Variants in PLA2G4A observed in about 807,000 individuals in gnomAD.
PLA2G4A encodes the protein cytosolic phospholipase A2.
In PLA2G4A, 40 loss-of-function variants were observed where a neutral mutation model predicts 81.9. That is an observed-to-expected ratio of 0.49 (90% CI 0.38 to 0.64). PLA2G4A has a LOEUF of 0.64. PLA2G4A is among the 30% of genes least tolerant of loss of function. PLA2G4A has a pLI of 0.00. For synonymous variants in PLA2G4A, 302 were observed against 296.9 expected (o/e 1.02, Z -0.18); for missense variants, 715 against 905.1 (o/e 0.79, Z 2.69).
chr1:186,855,487 A>G (rs879699185), intron 2 of PLA2G4A, among the ~76,000 whole-genome samples: 5 of 151,962 alleles, frequency 3.3e-5, no homozygotes, highest in African/African-American at 1.2e-4. Flanking sequence ...TATGTATTCC[A>G]CCCACGAAAC....
intron 8 of PLA2G4A, 52 bp downstream of exon 8, chr1:186,932,951 A>G: frequency 7.7e-7 from 1 of 1,302,306 alleles, no homozygotes; most frequent in East Asian, 2.4e-5. Flanking sequence ...TTTAGGATTT[A>G]TCTAACTCAA....
Position 186,887,500 on chromosome 1 carries a change from G to A in PLA2G4A, c.116-5511G>A, listed in dbSNP as rs184657436. Among the ~76,000 whole-genome samples the A allele has an allele frequency of 4.6e-5, 7 of 152,146 alleles. No individual in the cohort carries two copies. In the East Asian group the frequency reaches 1.4e-3, roughly 29 times the overall value. On this transcript the variant is annotated intron_variant, in intron 3 of 17. Transcript: ENST00000367466. ...ATGTCAACTTTATGGGAAGAAAAAA[G>A]ATCTGTATTCCACACCCCCGACATT... is the stretch of plus-strand genomic sequence containing the variant.
chr1:186,854,528 AAG>A, intron 2 of PLA2G4A, 141 bp downstream of exon 2: 1 of 665,410 alleles, frequency 1.5e-6, no homozygotes, highest in South Asian at 1.8e-5. Flanking sequence ...ATATAATACA[AAG>A]AGGCTATGGA....
At chr1:186,856,675 T>A (rs78020995) in intron 2 of PLA2G4A, among the ~76,000 whole-genome samples, 1 of 151,944 alleles carries the variant, frequency 6.6e-6, no homozygotes, top group Non-Finnish European at 1.5e-5. Flanking sequence ...AACCATAAGA[T>A]AATGTAAGCC....
At chr1:186,931,520 TTATTATTA>T (rs1293719660) in intron 7 of PLA2G4A, among the ~76,000 whole-genome samples, 2 of 9,672 alleles carry the variant, frequency 2.1e-4, no homozygotes. Context: ...ATGTTTGCTA[TTATTATTA>T]TTATTATTAT....
At chr1:186,893,597 T>C (rs1558409037) in intron 4 of PLA2G4A, among the ~76,000 whole-genome samples, 1 of 151,684 alleles carries the variant, frequency 6.6e-6, no homozygotes, top group Admixed American at 6.6e-5. Flanking sequence ...ATCAGGAAAA[T>C]GTGAAAAATT....
At chr1:186,959,151 A>G (rs1160494416) in intron 14 of PLA2G4A, among the ~76,000 whole-genome samples, 1 of 151,878 alleles carries the variant, frequency 6.6e-6, no homozygotes, top group Non-Finnish European at 1.5e-5. Flanking sequence ...AGTACTTATA[A>G]TGTGCTTGGT....
chr1:186,965,120 G>C (rs183222672), intron 14 of PLA2G4A, among the ~76,000 whole-genome samples: 2 of 152,346 alleles, frequency 1.3e-5, no homozygotes, highest in African/African-American at 4.8e-5. Context: ...ATAGCTTAGA[G>C]TTAATACCAG....
intron 14 of PLA2G4A, among the ~76,000 whole-genome samples, chr1:186,958,535 G>A (rs1218632785): frequency 1.3e-5 from 2 of 152,118 alleles, no homozygotes; most frequent in African/African-American, 2.4e-5. Context: ...AGAAAGCGAA[G>A]ATCAAAGGAG....
chr1:186,883,344 CCCTTGTAG>C (rs1558398145), intron 3 of PLA2G4A, among the ~76,000 whole-genome samples: 1 of 151,972 alleles, frequency 6.6e-6, no homozygotes, highest in Non-Finnish European at 1.5e-5. Flanking sequence ...TACTTCTTCC[CCCTTGTAG>C]CCTTGAGGAT....
chr1:186,846,938 C>CAA (rs1171337630), intron 1 of PLA2G4A, among the ~76,000 whole-genome samples: 1 of 151,906 alleles, frequency 6.6e-6, no homozygotes, highest in Non-Finnish European at 1.5e-5. Flanking sequence ...CAGTAAAATA[C>CAA]AAAAACTTTT....
chr1:186,968,761 A>G (rs1369290286), intron 15 of PLA2G4A, among the ~76,000 whole-genome samples: 17 of 151,834 alleles, frequency 1.1e-4, no homozygotes. Context: ...CTAGATGTGT[A>G]TCATTTTATG....
intron 1 of PLA2G4A, among the ~76,000 whole-genome samples, chr1:186,842,179 G>A (rs6425050): frequency 0.32 from 48,989 of 151,462 alleles, 10,811 homozygotes; most frequent in African/African-American, 0.6. Flanking sequence ...AATAGCTGAG[G>A]TTACAGACAC....
chr1:186,874,763 T>G (rs573143382), intron 3 of PLA2G4A, among the ~76,000 whole-genome samples: 1 of 152,156 alleles, frequency 6.6e-6, no homozygotes, highest in African/African-American at 2.4e-5. Context: ...TTGGGAAAAT[T>G]TTGAACTCAT....
intron 7 of PLA2G4A, among the ~76,000 whole-genome samples, chr1:186,912,722 TTATATATACA>T (rs1201908992): frequency 1.0e-4 from 14 of 140,418 alleles, no homozygotes; most frequent in East Asian, 2.0e-4. Context: ...ATATGTATAT[TTATATATACA>T]TATATATACA....
chr1:186,950,594 A>G, intron 12 of PLA2G4A, 63 bp from the exon 13 acceptor site: 4 of 875,616 alleles, frequency 4.6e-6, no homozygotes, highest in South Asian at 4.0e-5. Context: ...ACTTTTTTAT[A>G]TTAAAATTAA....
chr1:186,980,098 C>T (rs1657671239), intron 17 of PLA2G4A, among the ~76,000 whole-genome samples: 1 of 151,910 alleles, frequency 6.6e-6, no homozygotes, highest in East Asian at 1.9e-4. Context: ...CAGGCGCCTG[C>T]CACCACGCCC....
intron 3 of PLA2G4A, among the ~76,000 whole-genome samples, chr1:186,889,498 C>T (rs1412847303): frequency 1.3e-5 from 2 of 152,176 alleles, no homozygotes; most frequent in African/African-American, 4.8e-5. Context: ...TAAAGGCAGC[C>T]TCAAAGGCTG....
intron 1 of PLA2G4A, among the ~76,000 whole-genome samples, chr1:186,846,573 T>C (rs78986850): frequency 0.015 from 2,267 of 152,238 alleles, 69 homozygotes; most frequent in African/African-American, 0.053. Flanking sequence ...CTGACATTGG[T>C]ACAGTGCTAT....
Sources: gnomAD v4.1 joint callset for allele counts (sites outside exome capture counted in the v4.1 genomes callset) on GRCh38, gnomAD v4.1.1 for gene constraint, MANE v1.5 for transcripts, NCBI Gene and HGNC (gene_info 2026-07-23, HGNC 2026-07-21) for gene names.